Variants in YTHDC2 observed in about 807,000 individuals in gnomAD.
YTHDC2 encodes the protein YTH N6-methyladenosine RNA binding protein C2.
Under a neutral mutation model 174.9 loss-of-function variants are expected in YTHDC2, and 45 were observed. That is an observed-to-expected ratio of 0.26 (90% confidence interval 0.20 to 0.33). The LOEUF is 0.33. Ranked by LOEUF, YTHDC2 falls within the 10% of genes least tolerant of loss-of-function variation. The pLI, the probability that YTHDC2 is intolerant of heterozygous loss-of-function variation, is 1.00. For missense variants in YTHDC2, 1,650 were observed against 1,723.7 expected, an observed-to-expected ratio of 0.96 and a Z score of 0.76; for synonymous variants, 657 against 574.5, an observed-to-expected ratio of 1.14 and a Z score of -2.05.
In YTHDC2 at chr5:113,515,372, T is replaced by C; in HGVS notation, c.278+10T>C. On this transcript the variant is annotated intron_variant, in intron 2 of 29. Transcript: ENST00000161863. ...TCTCTAAAAGTAAAGGGTAAGCTGG[T>C]AGCTTTTCTTATTTTTTTTAAAAAA... The C allele has an allele frequency of 6.3e-7, 1 of 1,591,498 alleles. No individual in the cohort carries two copies.
intron 12 of YTHDC2, among the ~76,000 whole-genome samples, chr5:113,550,441 C>T (rs1776174740): frequency 6.6e-6 from 1 of 151,930 alleles, no homozygotes; most frequent in African/African-American, 2.4e-5. Context: ...GAGGTATAAT[C>T]ATAGTATATT....
rs756181535 is a variant in YTHDC2 at position 113,513,872 on chromosome 5, C to T, written c.-24C>T. 17 of 1,579,910 alleles carry T rather than the reference C, an allele frequency of 1.1e-5. No homozygotes were observed. In the South Asian group the frequency reaches 1.7e-4, roughly 16 times the overall value. On this transcript the variant is annotated 5_prime_UTR_variant, in exon 1 of 30. Transcript: ENST00000161863. ...GCTAGCAGGCCTGGCCGCTCCCGTG[C>T]GGAGAGACCATCTCTTCAGGGCAAT...
In YTHDC2 at chr5:113,561,205, T is replaced by A. The variant is rs1422348543; in HGVS notation, c.2322+20T>A. ...TTACAGGTAAAAATTTATTTAAATA[T>A]AAAAGGCATTTTTTTGGGTGAGGGA... On this transcript the variant is annotated intron_variant, in intron 18 of 29. Coordinates refer to ENST00000161863, the MANE Select transcript of YTHDC2 (RefSeq NM_022828.5). 6.3e-7 allele frequency: 1 copy of A among 1,598,724 alleles called. No individual in the cohort carries two copies. The highest frequency in any genetic ancestry group is 1.7e-5 in the Admixed American group (1 of 59,364).
intron 23 of YTHDC2, 78 bp downstream of exon 23, chr5:113,567,927 A>C: frequency 4.4e-6 from 5 of 1,139,142 alleles, no homozygotes; most frequent in Non-Finnish European, 6.0e-6. Context: ...ATTTTACTAA[A>C]CCAAATAATG....
intron 4 of YTHDC2, among the ~76,000 whole-genome samples, chr5:113,530,748 T>A (rs80333629): frequency 3.3e-5 from 5 of 152,194 alleles, no homozygotes; most frequent in South Asian, 2.1e-4. Context: ...TTTTTTTTTT[T>A]ACCTCCATTT....
At chr5:113,515,383 AT>A (rs760083654) in intron 2 of YTHDC2, 21 bp downstream of exon 2, 32 of 1,572,684 alleles carry the variant, frequency 2.0e-5, no homozygotes, top group African/African-American at 9.6e-5. Flanking sequence ...AGCTTTTCTT[AT>A]TTTTTTTAAA....
intron 16 of YTHDC2, among the ~76,000 whole-genome samples, chr5:113,554,591 A>G (rs556631101): frequency 6.6e-6 from 1 of 151,990 alleles, no homozygotes; most frequent in South Asian, 2.1e-4. Context: ...AAAAAGTTTC[A>G]TTGGAACTCA....
Position 113,534,300 on chromosome 5 carries a change from A to G in YTHDC2, c.843-5A>G, listed in dbSNP as rs373179848. On this transcript the variant is annotated splice_polypyrimidine_tract_variant and splice_region_variant and intron_variant, in intron 5 of 29. Transcript: ENST00000161863. ...GTGCACTTTGTTTTGCTTTTTTTTT[A>G]AAAGGGTTTCTCCAAAGACACTTCT... 9 of 1,598,908 alleles carry G rather than the reference A, an allele frequency of 5.6e-6. No homozygotes were observed. The African/African-American group carries it at 6.7e-5, about 12-fold the overall frequency.
intron 23 of YTHDC2, among the ~76,000 whole-genome samples, chr5:113,574,242 C>T (rs1230740308): frequency 2.0e-5 from 3 of 152,160 alleles, no homozygotes; most frequent in African/African-American, 7.2e-5. Context: ...TGGGGCTCCC[C>T]ACCAGACCTC....
rs546919263 is a variant in YTHDC2 at position 113,576,982 on chromosome 5, A to G, written c.3245-2604A>G. 5.7e-4 allele frequency among the ~76,000 whole-genome samples: 87 copies of G among 152,202 alleles called. 1 individual carries two copies. The highest frequency in any genetic ancestry group is 1.9e-3 in the African/African-American group (80 of 41,556). On this transcript the variant is annotated intron_variant, in intron 23 of 29. Transcript: ENST00000161863. ...TGTTTTCTATAATTTGATTTTTAATATTTTTTATAACCATGTTGAGTTGAT... is the reference window on the plus strand; with the variant it reads ...TGTTTTCTATAATTTGATTTTTAATGTTTTTTATAACCATGTTGAGTTGAT...
At chr5:113,567,436 A>T in intron 22 of YTHDC2, 139 bp downstream of exon 22, 1 of 444,660 alleles carries the variant, frequency 2.2e-6, no homozygotes, top group South Asian at 9.1e-5. Flanking sequence ...ATCATTAAAT[A>T]TTGGAACAAA....
At chr5:113,552,808 C>A (rs1416996546) in intron 12 of YTHDC2, among the ~76,000 whole-genome samples, 1 of 152,092 alleles carries the variant, frequency 6.6e-6, no homozygotes, top group Non-Finnish European at 1.5e-5. Flanking sequence ...TTTCTCCACA[C>A]CCTCTCCAAC....
chr5:113,519,129 G>A (rs181531272), intron 2 of YTHDC2, among the ~76,000 whole-genome samples: 119 of 152,066 alleles, frequency 7.8e-4, no homozygotes, highest in Admixed American at 6.7e-3. Context: ...TGCCTAGGCC[G>A]CCCAAAGTAT....
At chr5:113,516,924 A>C (rs924894888) in intron 2 of YTHDC2, among the ~76,000 whole-genome samples, 5 of 152,198 alleles carry the variant, frequency 3.3e-5, no homozygotes, top group Non-Finnish European at 7.3e-5. Context: ...CCAGTGCTGG[A>C]ACAGTGGTTA....
intron 23 of YTHDC2, among the ~76,000 whole-genome samples, chr5:113,571,271 G>A (rs548378810): frequency 6.6e-6 from 1 of 152,180 alleles, no homozygotes; most frequent in African/African-American, 2.4e-5. Flanking sequence ...TTTATGTGAT[G>A]AATTATGTTT....
intron 2 of YTHDC2, among the ~76,000 whole-genome samples, chr5:113,522,534 A>G (rs946422330): frequency 6.6e-6 from 1 of 152,136 alleles, no homozygotes; most frequent in African/African-American, 2.4e-5. Context: ...CCTTTTATTT[A>G]AAAAACTCTT....
At chr5:113,533,159 A>G (rs1407219676) in intron 5 of YTHDC2, 114 bp downstream of exon 5, 3 of 1,195,174 alleles carry the variant, frequency 2.5e-6, no homozygotes, top group African/African-American at 1.5e-5. Context: ...TTTTGCTCCA[A>G]GTAAGTCTAC....
At chr5:113,558,687 G>C (rs563809454) in intron 17 of YTHDC2, among the ~76,000 whole-genome samples, 1 of 152,138 alleles carries the variant, frequency 6.6e-6, no homozygotes, top group Admixed American at 6.5e-5. Flanking sequence ...GGATTGGGAG[G>C]CTGAGGCGGG....
At position 113,593,525 on chromosome 5, in the gene YTHDC2, G is replaced by T; in HGVS notation, c.*51G>T. On this transcript the variant is annotated 3_prime_UTR_variant, in exon 30 of 30. Transcript: ENST00000161863. ...AACATCATGCCTATTTATAACCACT[G>T]AATGCACTGACTTTCAAAAACTGAG... 1.5e-6 allele frequency: 1 copy of T among 651,118 alleles called. No individual in the cohort carries two copies. Among genetic ancestry groups the T allele is most frequent in the East Asian group, 2.9e-5 (1 of 35,074 alleles). 40.3% of individuals were successfully genotyped at this position (651,118 alleles called of 1,614,324 possible). A position where few individuals can be genotyped will look rare whatever the true frequency, so the allele number is the denominator to read the frequency against.
Sources: allele counts gnomAD v4.1 joint callset (sites outside exome capture counted in the v4.1 genomes callset), GRCh38; gene constraint gnomAD v4.1.1; transcripts MANE v1.5; gene names NCBI Gene and HGNC (gene_info 2026-07-23, HGNC 2026-07-21).